Variants in ULK4 observed in about 807,000 individuals in gnomAD.
The protein encoded by ULK4 is inactive serine/threonine-protein kinase ULK4.
In ULK4, 133 loss-of-function variants were observed where a neutral mutation model predicts 160.6. That is an observed-to-expected ratio of 0.83 (90% CI 0.72 to 0.96). ULK4 has a LOEUF of 0.96. Among genes scored for constraint, ULK4 ranks in the 40% least tolerant of loss-of-function variants. ULK4 has a pLI of 0.00. For synonymous variants in ULK4, 534 were observed against 539.8 expected, an observed-to-expected ratio of 0.99 and a Z score of 0.15; for missense variants, 1,580 against 1,499.5, an observed-to-expected ratio of 1.05 and a Z score of -0.89.
intron 21 of ULK4, among the ~76,000 whole-genome samples, chr3:41,757,580 C>A (rs1028056451): frequency 6.9e-6 from 1 of 144,614 alleles, no homozygotes. Flanking sequence ...TTCAGTGAGC[C>A]GATATCGTGC....
rs201217383 is a variant in ULK4, at chr3:41,896,905, G to A, written c.1447C>T (p.Arg483Ter). The A allele has an allele frequency of 6.8e-6, 11 of 1,613,394 alleles. No individual in the cohort carries two copies. Among genetic ancestry groups the A allele is most frequent in the East Asian group, 4.5e-5 (2 of 44,878 alleles). The change falls in exon 15 of 37, where the codon CGA (arginine) becomes TGA (stop). Residue 483 changes from arginine (R) to a stop codon, truncating the protein, a stop_gained. Transcript: ENST00000301831. LOFTEE classifies it high-confidence loss of function. ...DSTEKSMGASRAKLNLLCYLC... is the reference protein window; with the variant it reads ...DSTEKSMGAS ...TAGCAAAGGAGATTCAGCTTGGCTC[G>A]GGAGGCCCCCATGCTCTTCTCAGTG...
chr3:41,687,675 C>T (rs1034300210), intron 27 of ULK4, among the ~76,000 whole-genome samples: 1 of 152,100 alleles, frequency 6.6e-6, no homozygotes, highest in Non-Finnish European at 1.5e-5. Flanking sequence ...CTAGCCAATC[C>T]CCATGTCTTG....
intron 22 of ULK4, among the ~76,000 whole-genome samples, chr3:41,732,789 C>A (rs2037877229): frequency 6.6e-6 from 1 of 151,986 alleles, no homozygotes; most frequent in Non-Finnish European, 1.5e-5. Flanking sequence ...TAATATTCAA[C>A]CATAAAAAGA....
chr3:41,947,227 C>T (rs1411824781), intron 2 of ULK4, among the ~76,000 whole-genome samples: 1 of 152,144 alleles, frequency 6.6e-6, no homozygotes, highest in Non-Finnish European at 1.5e-5. Context: ...AGGAGAATGG[C>T]GTGAACCCAG....
intron 4 of ULK4, 140 bp downstream of exon 4, chr3:41,935,661 T>G (rs992747831): frequency 6.6e-6 from 7 of 1,058,162 alleles, no homozygotes; most frequent in Non-Finnish European, 9.1e-6. Context: ...GTGCCCTGCC[T>G]CCTTTTATTT....
chr3:41,560,327 G>A (rs1053248793), intron 32 of ULK4, among the ~76,000 whole-genome samples: 1 of 152,130 alleles, frequency 6.6e-6, no homozygotes, highest in Non-Finnish European at 1.5e-5. Context: ...TTTGGCTTAG[G>A]ATTATCTTGG....
intron 17 of ULK4, among the ~76,000 whole-genome samples, chr3:41,840,717 A>G (rs2041891198): frequency 6.6e-6 from 1 of 152,154 alleles, no homozygotes; most frequent in Admixed American, 6.5e-5. Context: ...GTGATCTCAG[A>G]TCGCCACAAC....
intron 17 of ULK4, among the ~76,000 whole-genome samples, chr3:41,851,297 AT>A (rs961507240): frequency 1.5e-4 from 23 of 152,134 alleles, no homozygotes; most frequent in African/African-American, 5.5e-4. Context: ...GGGCTGTTGA[AT>A]TTTGTCAAAG....
intron 5 of ULK4, among the ~76,000 whole-genome samples, chr3:41,931,304 G>T (rs1032303853): frequency 3.3e-5 from 5 of 151,848 alleles, no homozygotes; most frequent in African/African-American, 1.2e-4. Context: ...ACACAGGGAG[G>T]GGAACATCAC....
intron 25 of ULK4, among the ~76,000 whole-genome samples, chr3:41,714,790 T>G (rs1575598653): frequency 6.8e-6 from 1 of 147,172 alleles, no homozygotes; most frequent in Non-Finnish European, 1.5e-5. Flanking sequence ...AGGCGGAGGT[T>G]GCAGTGAGCC....
At chr3:41,873,224 C>CTT (rs1173793427) in intron 17 of ULK4, among the ~76,000 whole-genome samples, 214 of 106,282 alleles carry the variant, frequency 2.0e-3, no homozygotes, top group Middle Eastern at 5.5e-3. Context: ...AGTTGCCTTT[C>CTT]TTTTTTTTTT....
chr3:41,612,371 G>T (rs1232616115), intron 31 of ULK4, among the ~76,000 whole-genome samples: 2 of 151,930 alleles, frequency 1.3e-5, no homozygotes, highest in African/African-American at 4.8e-5. Context: ...CCCAGAGTTG[G>T]TCACTCCCTT....
At chr3:41,919,017 T>A (rs1303438772) in intron 6 of ULK4, among the ~76,000 whole-genome samples, 1 of 152,194 alleles carries the variant, frequency 6.6e-6, no homozygotes, top group Non-Finnish European at 1.5e-5. Context: ...ACTGCCTATA[T>A]ATTTCTCTTA....
intron 18 of ULK4, among the ~76,000 whole-genome samples, chr3:41,822,775 G>A (rs1227086242): frequency 7.2e-6 from 1 of 139,856 alleles, no homozygotes; most frequent in Non-Finnish European, 1.5e-5. Context: ...AGGCTGGAGT[G>A]CAGTGGCAAC....
intron 31 of ULK4, among the ~76,000 whole-genome samples, chr3:41,596,500 G>T (rs1336022710): frequency 6.6e-6 from 1 of 152,114 alleles, no homozygotes; most frequent in African/African-American, 2.4e-5. Context: ...AGCTAAGAAA[G>T]GGAAGAGAAG....
At chr3:41,329,234 AAC>A (rs1332319192) in intron 35 of ULK4, among the ~76,000 whole-genome samples, 3 of 152,204 alleles carry the variant, frequency 2.0e-5, no homozygotes, top group Non-Finnish European at 2.9e-5. Context: ...CAAATTCTTA[AAC>A]AGAGTATGAT....
At chr3:41,947,579 A>C (rs764564606) in intron 2 of ULK4, among the ~76,000 whole-genome samples, 3 of 152,230 alleles carry the variant, frequency 2.0e-5, no homozygotes, top group Non-Finnish European at 2.9e-5. Flanking sequence ...TGATACTGAC[A>C]TCATAGGCAA....
At chr3:41,676,907 CCT>C (rs1491586038) in intron 29 of ULK4, among the ~76,000 whole-genome samples, 3 of 114,350 alleles carry the variant, frequency 2.6e-5, no homozygotes, top group Admixed American at 9.7e-5. Flanking sequence ...CCACCCCCAA[CCT>C]TTTTTTTTTT....
intron 35 of ULK4, among the ~76,000 whole-genome samples, chr3:41,351,035 T>C (rs1328210002): frequency 2.6e-5 from 4 of 152,222 alleles, no homozygotes; most frequent in African/African-American, 9.6e-5. Context: ...TGTCAGGTGA[T>C]AAACTTCTCC....
Sources: allele counts gnomAD v4.1 joint callset (sites outside exome capture counted in the v4.1 genomes callset), GRCh38; gene constraint gnomAD v4.1.1; transcripts MANE v1.5; gene names NCBI Gene and HGNC (gene_info 2026-07-23, HGNC 2026-07-21).